PPP2R2D: variants seen among roughly 807,000 people sequenced by gnomAD.
PPP2R2D encodes the protein protein phosphatase 2 regulatory subunit Bdelta.
In PPP2R2D, 9 loss-of-function variants were observed where a neutral mutation model predicts 31.1. The ratio of observed to expected loss-of-function variants is 0.29; its 90% CI spans 0.17 to 0.51. The LOEUF (loss-of-function observed/expected upper bound fraction) is 0.51. Ranked by LOEUF, PPP2R2D falls within the 20% of genes least tolerant of loss-of-function variation. The probability of loss-of-function intolerance (pLI) is 0.98; values close to 1 mark genes in which losing one functional copy is unlikely to be tolerated. For synonymous variants in PPP2R2D, 179 were observed against 172.6 expected (o/e 1.04, Z -0.29); for missense variants, 391 against 465.6 (o/e 0.84, Z 1.48).
rs1554898262 is a variant in PPP2R2D at position 131,947,841 on chromosome 10, A to T, written c.1082+50A>T. 17 of 1,595,004 alleles carry T rather than the reference A, an allele frequency of 1.1e-5. No individual in the cohort carries two copies. The highest frequency in any genetic ancestry group is 2.7e-5 in the African/African-American group (2 of 74,620). Reference sequence around the variant, plus strand: ...GTCGCCCCAAGCTTGCTGGTTTCCGAGAGTGCAAGGTCAGTGAGGGAGGCG... The same window carrying T: ...GTCGCCCCAAGCTTGCTGGTTTCCGTGAGTGCAAGGTCAGTGAGGGAGGCG... On this transcript the variant is annotated intron_variant, in intron 8 of 8. Transcript: ENST00000455566. This position sits in a 1 kb window ranked among gnomAD's most constrained non-coding sequence, Gnocchi z 4.3.
At chr10:131,943,202 C>T (rs1589954033) in intron 5 of PPP2R2D, among the ~76,000 whole-genome samples, 1 of 152,302 alleles carries the variant, frequency 6.6e-6, no homozygotes, top group East Asian at 1.9e-4. Context: ...AGGCGGCCTG[C>T]AGCCAGCGCC....
In PPP2R2D at chr10:131,947,917, A is replaced by G; in HGVS notation, c.1082+126A>G. On this transcript the variant is annotated intron_variant, in intron 8 of 8. Transcript: ENST00000455566. The surrounding 1 kb of genome is among the most constrained non-coding windows in gnomAD (Gnocchi z 4.3). Reference sequence around the variant, plus strand: ...ACGCTCATAGGGTGTTGTTTTCCAGACCTTTTGATTGATGGATGATAGTAT... The same window carrying G: ...ACGCTCATAGGGTGTTGTTTTCCAGGCCTTTTGATTGATGGATGATAGTAT... The G allele has an allele frequency of 8.4e-7, 1 of 1,190,198 alleles. No individual in the cohort carries two copies. The highest frequency in any genetic ancestry group is 1.2e-6 in the Non-Finnish European group (1 of 848,100). The allele number at this position is 1,190,198 out of a possible 1,614,324, so 73.7% of individuals were successfully genotyped here. A position where few individuals can be genotyped will look rare whatever the true frequency, so the allele number is the denominator to read the frequency against.
At chr10:131,962,884 G>A (rs1357035197), downstream of PPP2R2D, among the ~76,000 whole-genome samples, 1 of 152,216 alleles carries the variant, frequency 6.6e-6, no homozygotes, top group Non-Finnish European at 1.5e-5. Flanking sequence ...TATCTTTGGG[G>A]CTAGGCATGG....
At chr10:131,929,693 C>A (rs945737205) in intron 2 of PPP2R2D, among the ~76,000 whole-genome samples, 6 of 152,168 alleles carry the variant, frequency 3.9e-5, no homozygotes, top group Admixed American at 1.3e-4. Flanking sequence ...CCCGGCTGTG[C>A]TCCGTGCCTC....
At chr10:131,901,183 A>C in intron 1 of PPP2R2D, 28 bp downstream of exon 1, 2 of 311,020 alleles carry the variant, frequency 6.4e-6, no homozygotes, top group Non-Finnish European at 5.8e-6. Flanking sequence ...GCCGGCGGGG[A>C]CCACGGGGGC....
intron 2 of PPP2R2D, among the ~76,000 whole-genome samples, chr10:131,913,053 C>T (rs1335424462): frequency 1.3e-5 from 2 of 152,060 alleles, no homozygotes; most frequent in African/African-American, 2.4e-5. Flanking sequence ...GATGAAATCT[C>T]GCTCTGTCAC....
chr10:131,963,415 G>T (rs2036946399), downstream of PPP2R2D, among the ~76,000 whole-genome samples: 1 of 152,200 alleles, frequency 6.6e-6, no homozygotes, highest in South Asian at 2.1e-4. Context: ...GGATCATTTT[G>T]GATACTTGTT....
At chr10:131,920,863 A>G (rs1264242614) in intron 2 of PPP2R2D, among the ~76,000 whole-genome samples, 1 of 152,180 alleles carries the variant, frequency 6.6e-6, no homozygotes, top group African/African-American at 2.4e-5. Context: ...CGGGAGGTGG[A>G]GGAGGTTGCA....
At position 131,934,346 on chromosome 10, in the gene PPP2R2D, G is replaced by A. The variant is rs190670093; in HGVS notation, c.101-112G>A. Reference sequence around the variant, plus strand: ...GCCAAGACAGTTTTGCTTTAGTCTCGGAGAAAGTTGTATATGTTTATCGTC... The same window carrying A: ...GCCAAGACAGTTTTGCTTTAGTCTCAGAGAAAGTTGTATATGTTTATCGTC... On this transcript the variant is annotated intron_variant, in intron 2 of 8. Transcript: ENST00000455566. 3.3e-4 allele frequency: 212 copies of A among 634,722 alleles called. No individual in the cohort carries two copies. In the East Asian group the frequency reaches 5.5e-3, roughly 16 times the overall value. 39.3% of individuals were successfully genotyped at this position (634,722 alleles called of 1,614,324 possible). A position where few individuals can be genotyped will look rare whatever the true frequency, so the allele number is the denominator to read the frequency against.
intron 2 of PPP2R2D, among the ~76,000 whole-genome samples, chr10:131,929,805 C>G (rs115923155): frequency 0.011 from 1,652 of 152,304 alleles, 26 homozygotes; most frequent in African/African-American, 0.037. Context: ...CCTTCCCCAT[C>G]CACAGCTCCT....
At chr10:131,911,504 A>G (rs2035682136) in intron 2 of PPP2R2D, 1 of 152,280 alleles carries the variant, frequency 6.6e-6, no homozygotes, top group Non-Finnish European at 1.5e-5. Context: ...TCATCAGGGA[A>G]TAAGCTAAGC....
intron 2 of PPP2R2D, 35 bp downstream of exon 2, chr10:131,901,365 C>G (rs1486829152): frequency 5.7e-6 from 2 of 352,204 alleles, no homozygotes; most frequent in Non-Finnish European, 1.0e-5. Context: ...CCGGGACCCT[C>G]GCGGACAGCT....
At chr10:131,921,588 A>G (rs1554894257) in intron 2 of PPP2R2D, among the ~76,000 whole-genome samples, 2 of 152,190 alleles carry the variant, frequency 1.3e-5, no homozygotes, top group African/African-American at 4.8e-5. Flanking sequence ...CAAAGGGAGT[A>G]AGATGAGCAT....
At chr10:131,960,253 T>G (rs1354716106), downstream of PPP2R2D, among the ~76,000 whole-genome samples, 1 of 152,244 alleles carries the variant, frequency 6.6e-6, no homozygotes, top group Non-Finnish European at 1.5e-5. Context: ...AACTTCTCTT[T>G]CCTGCTTAAA....
At chr10:131,970,537 T>C in the PPP2R2D span, 1 of 1,453,864 alleles carries the variant, frequency 6.9e-7, no homozygotes, top group Non-Finnish European at 9.3e-7. The surrounding 1 kb of genome is among the most constrained non-coding windows in gnomAD (Gnocchi z 4.1). Context: ...AAGCTGTAAC[T>C]GATGATCTGG....
intron 2 of PPP2R2D, 64 bp downstream of exon 2, chr10:131,901,394 G>T: frequency 2.9e-6 from 1 of 346,248 alleles, no homozygotes; most frequent in Non-Finnish European, 5.2e-6. Context: ...GGCCGCGCGC[G>T]GCCTCCGGGC....
chr10:131,931,403 A>G lies in PPP2R2D; in HGVS notation c.101-3055A>G, dbSNP rs151124424. On this transcript the variant is annotated intron_variant, in intron 2 of 8. Coordinates refer to ENST00000455566, the MANE Select transcript of PPP2R2D (RefSeq NM_018461.5). ...TGCTTTGTTGCCCAGGCTGGAGTGC[A>G]GTGGCGTGATCTCAGCTTCCTGCAA... Among the ~76,000 whole-genome samples the G allele has an allele frequency of 6.1e-3, 935 of 152,234 alleles. 8 individuals are homozygous for G. The highest frequency in any genetic ancestry group is 0.022 in the African/African-American group (905 of 41,522).
chr10:131,953,007 G>T (rs1424743858), intron 8 of PPP2R2D, among the ~76,000 whole-genome samples: 4 of 128,680 alleles, frequency 3.1e-5, no homozygotes, highest in Non-Finnish European at 4.8e-5. Flanking sequence ...TGTGCAGGGG[G>T]TTCACTGTCT....
chr10:131,926,060 C>T (rs2036099507), intron 2 of PPP2R2D, among the ~76,000 whole-genome samples: 1 of 152,194 alleles, frequency 6.6e-6, no homozygotes, highest in East Asian at 1.9e-4. Flanking sequence ...TGCACAATGA[C>T]CTGGGCGGGG....
Sources: gnomAD v4.1 joint callset for allele counts (sites outside exome capture counted in the v4.1 genomes callset) on GRCh38, gnomAD v4.1.1 for gene constraint, Gnocchi (gnomAD v3.1) non-coding constraint, MANE v1.5 for transcripts, NCBI Gene and HGNC (gene_info 2026-07-23, HGNC 2026-07-21) for gene names.